The following GPC6 variants were observed in gnomAD, a reference collection of about 807,000 sequenced individuals.
The protein encoded by GPC6 is glypican-6.
A neutral mutation model predicts 55.2 loss-of-function variants in GPC6; 14 were observed. The observed-to-expected ratio is 0.25, with a 90% confidence interval of 0.17 to 0.40. The LOEUF (loss-of-function observed/expected upper bound fraction) is 0.40. Among genes scored for constraint, GPC6 ranks in the 10% least tolerant of loss-of-function variants. The pLI is 1.00. For synonymous variants in GPC6, 278 were observed against 259.6 expected, an observed-to-expected ratio of 1.07 and a Z score of -0.68; for missense variants, 641 against 708.5, an observed-to-expected ratio of 0.90 and a Z score of 1.08.
rs757020957 is a variant in GPC6 at position 94,403,240 on chromosome 13, A to C, written c.*23A>C. The C allele has an allele frequency of 6.5e-7, 1 of 1,540,652 alleles. No individual in the cohort carries two copies. The highest frequency in any genetic ancestry group is 1.4e-5 in the African/African-American group (1 of 73,666). ...TAATCTTGGGTTTTTGGTCAGATGA[A>C]ACTGCATTTTAGCTATCTGAATGGC... On this transcript the variant is annotated 3_prime_UTR_variant, in exon 9 of 9. Transcript: ENST00000377047.
At chr13:93,694,315 T>A (rs1594377834) in intron 2 of GPC6, among the ~76,000 whole-genome samples, 1 of 152,290 alleles carries the variant, frequency 6.6e-6, no homozygotes, top group East Asian at 1.9e-4. Context: ...ATTTGCTTGA[T>A]GAGATGTTTA....
chr13:94,076,097 G>A (rs1594716722), intron 4 of GPC6, among the ~76,000 whole-genome samples: 1 of 150,584 alleles, frequency 6.6e-6, no homozygotes, highest in African/African-American at 2.4e-5. Context: ...AGGGGTTCCA[G>A]TTTCTCCACA....
At chr13:94,358,609 C>A (rs1043281497) in intron 6 of GPC6, among the ~76,000 whole-genome samples, 2 of 152,158 alleles carry the variant, frequency 1.3e-5, no homozygotes, top group African/African-American at 4.8e-5. Context: ...TCAGATTTCC[C>A]GTGTATCAGG....
chr13:94,053,839 A>C (rs1299425399), intron 4 of GPC6, among the ~76,000 whole-genome samples: 1 of 152,202 alleles, frequency 6.6e-6, no homozygotes, highest in African/African-American at 2.4e-5. Context: ...TTCTTACTTC[A>C]GAGATATAGA....
chr13:93,386,780 G>T (rs191865514), intron 1 of GPC6, among the ~76,000 whole-genome samples: 1 of 152,282 alleles, frequency 6.6e-6, no homozygotes, highest in Admixed American at 6.5e-5. Flanking sequence ...CAAGGTGTGG[G>T]CAGGACTGAG....
chr13:93,591,472 A>C (rs558019102), intron 2 of GPC6, among the ~76,000 whole-genome samples: 1,725 of 151,394 alleles, frequency 0.011, 24 homozygotes, highest in African/African-American at 0.04. Context: ...TCAAAGGAAA[A>C]AAAAAAAAAA....
intron 1 of GPC6, among the ~76,000 whole-genome samples, chr13:93,329,398 T>G (rs370014653): frequency 8.5e-5 from 13 of 152,310 alleles, no homozygotes; most frequent in Middle Eastern, 3.4e-3. Flanking sequence ...AAAGCTTAGT[T>G]TTTTTCCTTT....
chr13:93,353,779 C>T (rs1042998758), intron 1 of GPC6, among the ~76,000 whole-genome samples: 6 of 152,160 alleles, frequency 3.9e-5, no homozygotes, highest in Admixed American at 6.5e-5. Context: ...TGTTTAATGT[C>T]CCTTGCCATT....
intron 4 of GPC6, among the ~76,000 whole-genome samples, chr13:94,181,789 T>G (rs1205820945): frequency 6.6e-6 from 1 of 152,250 alleles, no homozygotes; most frequent in African/African-American, 2.4e-5. Flanking sequence ...CTGCCACATT[T>G]TTGACATGGT....
At chr13:93,435,146 A>T (rs1005158581) in intron 1 of GPC6, among the ~76,000 whole-genome samples, 5 of 150,914 alleles carry the variant, frequency 3.3e-5, no homozygotes, top group African/African-American at 1.2e-4. Flanking sequence ...ACATGGTCTC[A>T]CTCTTTCACC....
intron 4 of GPC6, among the ~76,000 whole-genome samples, chr13:94,250,321 C>T (rs576066208): frequency 8.5e-5 from 13 of 152,202 alleles, no homozygotes; most frequent in African/African-American, 2.6e-4. Flanking sequence ...AGATCAAATA[C>T]AGTTGTGGAA....
intron 6 of GPC6, among the ~76,000 whole-genome samples, chr13:94,326,185 G>A (rs570182414): frequency 6.9e-6 from 1 of 144,730 alleles, no homozygotes; most frequent in East Asian, 2.1e-4. Flanking sequence ...ACTAAGATCA[G>A]GTATTTTTGG....
chr13:93,923,075 G>C (rs1298567724), intron 3 of GPC6, among the ~76,000 whole-genome samples: 1 of 152,168 alleles, frequency 6.6e-6, no homozygotes, highest in African/African-American at 2.4e-5. Context: ...AAGACATCAT[G>C]CTAAAAGACA....
intron 1 of GPC6, among the ~76,000 whole-genome samples, chr13:93,252,364 A>G (rs1206092700): frequency 3.9e-5 from 6 of 152,196 alleles, no homozygotes; most frequent in Non-Finnish European, 8.8e-5. Context: ...TTTGCCTTCT[A>G]GAAATTTCCA....
rs75185430 is a variant in GPC6 at position 93,300,188 on chromosome 13, G to A, written c.160+72572G>A. 2.8e-3 allele frequency among the ~76,000 whole-genome samples: 425 copies of A among 152,272 alleles called. 8 individuals are homozygous for A. The South Asian group carries it at 0.029, about 10-fold the overall frequency. ...GGAGGGGTACATCCAGGAAAATATG[G>A]TGAATATAAAGCTGTTTAGTGAAAT... On this transcript the variant is annotated intron_variant, in intron 1 of 8. Transcript: ENST00000377047.
intron 1 of GPC6, among the ~76,000 whole-genome samples, chr13:93,331,439 G>C (rs185846453): frequency 6.6e-6 from 1 of 152,158 alleles, no homozygotes; most frequent in Non-Finnish European, 1.5e-5. Context: ...GGTAGAGTAT[G>C]ATTCATCAAC....
chr13:93,910,148 C>G (rs994115374), intron 3 of GPC6, among the ~76,000 whole-genome samples: 1 of 152,048 alleles, frequency 6.6e-6, no homozygotes, highest in East Asian at 1.9e-4. Context: ...GTAGCTCCCA[C>G]AATTCCTACG....
intron 1 of GPC6, among the ~76,000 whole-genome samples, chr13:93,285,931 T>C (rs989400203): frequency 3.9e-5 from 6 of 152,062 alleles, no homozygotes; most frequent in Non-Finnish European, 8.8e-5. Flanking sequence ...ATAATAGGCA[T>C]ATTTAAAGGT....
chr13:94,056,455 T>C (rs1173884080), intron 4 of GPC6, among the ~76,000 whole-genome samples: 2 of 152,284 alleles, frequency 1.3e-5, no homozygotes, highest in South Asian at 4.1e-4. Context: ...AGAATGTCAC[T>C]TTGAAAGCAT....
Sources: gnomAD v4.1 joint callset for allele counts (sites outside exome capture counted in the v4.1 genomes callset) on GRCh38, gnomAD v4.1.1 for gene constraint, MANE v1.5 for transcripts, NCBI Gene and HGNC (gene_info 2026-07-23, HGNC 2026-07-21) for gene names.